LCLAT1: variants seen among roughly 807,000 people sequenced by gnomAD.
The protein encoded by LCLAT1 is 1-AGP acyltransferase 8.
LCLAT1 carries 11 observed loss-of-function variants against 30.7 expected under a neutral mutation model. The ratio of observed to expected loss-of-function variants is 0.36; its 90% CI spans 0.23 to 0.59. The LOEUF (loss-of-function observed/expected upper bound fraction) is 0.59, where lower values mean the gene tolerates loss of function less well. Ranked by LOEUF, LCLAT1 falls within the 20% of genes least tolerant of loss-of-function variation. The pLI is 0.77. For missense variants in LCLAT1, 402 were observed against 458.6 expected (o/e 0.88, Z 1.13); for synonymous variants, 155 against 151.3 (o/e 1.02, Z -0.18).
At chr2:30,471,303 G>A (rs4952128) in intron 1 of LCLAT1, among the ~76,000 whole-genome samples, 19,240 of 151,844 alleles carry the variant, frequency 0.13, 1,348 homozygotes, top group South Asian at 0.23. Flanking sequence ...TCCGCCTCCC[G>A]GGTTCAAGCG....
intron 3 of LCLAT1, among the ~76,000 whole-genome samples, chr2:30,535,831 C>T (rs1194043378): frequency 1.3e-5 from 2 of 151,982 alleles, no homozygotes; most frequent in Non-Finnish European, 2.9e-5. Context: ...GGAAGCCTAT[C>T]AAATGCCTGA....
chr2:30,463,581 G>A (rs1262962992), intron 1 of LCLAT1, among the ~76,000 whole-genome samples: 2 of 152,132 alleles, frequency 1.3e-5, no homozygotes, highest in Non-Finnish European at 2.9e-5. Flanking sequence ...CACTGAACAT[G>A]TACAGACTTT....
rs980411256 is a variant in LCLAT1 at position 30,492,952 on chromosome 2, T to A, written c.-4-32635T>A. Among the ~76,000 whole-genome samples the A allele has an allele frequency of 7.2e-5, 11 of 152,190 alleles. No homozygotes were observed. In the East Asian group the frequency reaches 2.1e-3, roughly 29 times the overall value. Reference sequence around the variant, plus strand: ...GGGGCACACTAAAATTAGCCCTTTTTAAAAAAGCTCTGGCTTATTTTGGCA... The same window carrying A: ...GGGGCACACTAAAATTAGCCCTTTTAAAAAAAGCTCTGGCTTATTTTGGCA... On this transcript the variant is annotated intron_variant, in intron 1 of 5. Transcript: ENST00000379509.
Position 30,605,998 on chromosome 2 carries a change from C to G in LCLAT1, c.629-34119C>G, listed in dbSNP as rs1350547521. The G allele has an allele frequency of 2.3e-6, 3 of 1,290,650 alleles. No individual in the cohort carries two copies. In the South Asian group the frequency reaches 3.8e-5, roughly 16 times the overall value. 79.9% of individuals were successfully genotyped at this position (1,290,650 alleles called of 1,614,324 possible). A position where few individuals can be genotyped will look rare whatever the true frequency, so the allele number is the denominator to read the frequency against. ...CCATGAGAATCTAATGCTCCCCACT[C>G]CCCACTCTGTTGATCAGGCAGGAGG... On this transcript the variant is annotated intron_variant, in intron 5 of 5. Transcript: ENST00000379509.
chr2:30,556,677 T>A (rs1339125955), intron 3 of LCLAT1, among the ~76,000 whole-genome samples: 1 of 151,808 alleles, frequency 6.6e-6, no homozygotes, highest in Non-Finnish European at 1.5e-5. Context: ...TGTATAACAA[T>A]ACCAGTCAGC....
chr2:30,524,313 T>G (rs571645384), intron 1 of LCLAT1, among the ~76,000 whole-genome samples: 7 of 152,078 alleles, frequency 4.6e-5, no homozygotes, highest in Non-Finnish European at 1.0e-4. Flanking sequence ...TCATAAAGAG[T>G]CAATTAAAGA....
At chr2:30,547,868 C>T (rs6712951) in intron 3 of LCLAT1, among the ~76,000 whole-genome samples, 88,611 of 151,762 alleles carry the variant, frequency 0.58, 27,077 homozygotes, top group Non-Finnish European at 0.68. Context: ...CTTGCTTTCC[C>T]CTATTTCACC....
intron 3 of LCLAT1, among the ~76,000 whole-genome samples, chr2:30,534,045 C>A (rs931480846): frequency 6.6e-6 from 1 of 152,152 alleles, no homozygotes; most frequent in African/African-American, 2.4e-5. Context: ...TTGTTAATTA[C>A]ATTTATACTT....
intron 1 of LCLAT1, among the ~76,000 whole-genome samples, chr2:30,495,712 G>T (rs535468655): frequency 7.6e-4 from 115 of 152,228 alleles, no homozygotes; most frequent in Non-Finnish European, 1.3e-3. Context: ...AGAGGGTGTT[G>T]GATGGATTAC....
rs1682856499 is a variant in LCLAT1, at chr2:30,472,647, A to G, written c.-5+25264A>G. 2.0e-5 allele frequency among the ~76,000 whole-genome samples: 3 copies of G among 152,190 alleles called. No homozygotes were observed. In the South Asian group the frequency reaches 6.2e-4, roughly 31 times the overall value. The stretch of plus-strand genomic sequence containing the variant: ...TTGTAGTCATTTTAATGACATTCAG[A>G]TAGGTTTTATGCAAAATGTTTATGG... On this transcript the variant is annotated intron_variant, in intron 1 of 5. Transcript: ENST00000379509.
At chr2:30,540,638 T>C (rs1206601769) in intron 3 of LCLAT1, among the ~76,000 whole-genome samples, 1 of 151,842 alleles carries the variant, frequency 6.6e-6, no homozygotes, top group Non-Finnish European at 1.5e-5. Flanking sequence ...TCAATGTAGG[T>C]TTATATTTAT....
At chr2:30,483,136 A>G (rs1376831946) in intron 1 of LCLAT1, among the ~76,000 whole-genome samples, 1 of 152,188 alleles carries the variant, frequency 6.6e-6, no homozygotes, top group Non-Finnish European at 1.5e-5. Context: ...TAAGACATTA[A>G]TATTAGGGGA....
chr2:30,618,042 G>A (rs1482327838), intron 5 of LCLAT1, among the ~76,000 whole-genome samples: 1 of 152,042 alleles, frequency 6.6e-6, no homozygotes, highest in African/African-American at 2.4e-5. Context: ...AATGTCCTAT[G>A]TAAGAAACTG....
At chr2:30,612,811 G>A (rs183864500) in intron 5 of LCLAT1, among the ~76,000 whole-genome samples, 39 of 152,250 alleles carry the variant, frequency 2.6e-4, no homozygotes, top group South Asian at 2.3e-3. Context: ...AAGTACCCCA[G>A]AGACAGAAGC....
Position 30,516,922 on chromosome 2 carries a change from C to A in LCLAT1, c.-4-8665C>A, listed in dbSNP as rs1685211757. ...CCCCATCTGAGTTGGGAGCATTGGT[C>A]TGCCTGGAACCAGCTTCCGCTTTTA... is the stretch of plus-strand genomic sequence containing the variant. On this transcript the variant is annotated intron_variant, in intron 1 of 5. Transcript: ENST00000379509. 2.0e-5 allele frequency among the ~76,000 whole-genome samples: 3 copies of A among 152,200 alleles called. No homozygotes were observed. In the South Asian group the frequency reaches 6.2e-4, roughly 31 times the overall value.
At chr2:30,459,517 T>C in intron 1 of LCLAT1, 2 of 842,218 alleles carry the variant, frequency 2.4e-6, no homozygotes, top group Non-Finnish European at 4.1e-6. Context: ...CAAACTCTGC[T>C]TTCTCTTTTT....
rs540975517 is a variant in LCLAT1, at chr2:30,641,798, A to G, written c.*1179A>G. 6 of 152,248 alleles carry G rather than the reference A, an allele frequency of 3.9e-5. No homozygotes were observed. In the South Asian group the frequency reaches 1.2e-3, roughly 32 times the overall value. 9.4% of individuals were successfully genotyped at this position (152,248 alleles called of 1,614,324 possible). A position where few individuals can be genotyped will look rare whatever the true frequency, so the allele number is the denominator to read the frequency against. ...TTGCCCAAATATTCTTGTCATTTGG[A>G]GTCAGTGGAAAATCCAGCACACCAA... On this transcript the variant is annotated 3_prime_UTR_variant, in exon 6 of 6. Coordinates refer to ENST00000379509, the MANE Select transcript of LCLAT1 (RefSeq NM_001002257.3).
chr2:30,600,102 G>A (rs2593438), intron 5 of LCLAT1, among the ~76,000 whole-genome samples: 107,678 of 152,000 alleles, frequency 0.71, 38,275 homozygotes, highest in Middle Eastern at 0.74. Context: ...TTGCAAGGCA[G>A]GCCTGGTTGT....
chr2:30,628,115 C>CT (rs1668603302), intron 5 of LCLAT1, among the ~76,000 whole-genome samples: 1 of 151,986 alleles, frequency 6.6e-6, no homozygotes, highest in South Asian at 2.1e-4. Flanking sequence ...CAGTGATTAC[C>CT]TAAAAACAGA....
Sources: gnomAD v4.1 joint callset for allele counts (sites outside exome capture counted in the v4.1 genomes callset) on GRCh38, gnomAD v4.1.1 for gene constraint, MANE v1.5 for transcripts, NCBI Gene and HGNC (gene_info 2026-07-23, HGNC 2026-07-21) for gene names.